Variants in FEZ2 observed in about 807,000 individuals in gnomAD.
The protein encoded by FEZ2 is fasciculation and elongation protein zeta-2.
FEZ2 carries 51 observed loss-of-function variants against 40.4 expected under a neutral mutation model. The observed-to-expected ratio is 1.26, with a 90% CI of 1.01 to 1.59. The LOEUF (loss-of-function observed/expected upper bound fraction) is 1.59, where lower values mean the gene tolerates loss of function less well. FEZ2 is among the 40% of genes most tolerant of loss of function. The pLI, the probability that FEZ2 is intolerant of heterozygous loss-of-function variation, is 0.00. For synonymous variants in FEZ2, 242 were observed against 172.0 expected (o/e 1.41, Z -3.18); for missense variants, 640 against 438.3 (o/e 1.46, Z -4.11).
chr2:36,570,671 G>C (rs1390380117), intron 5 of FEZ2, among the ~76,000 whole-genome samples: 1 of 152,094 alleles, frequency 6.6e-6, no homozygotes, highest in Non-Finnish European at 1.5e-5. Context: ...CCATACTTAG[G>C]CTACATGGTA....
rs2287104 is a variant in FEZ2, at chr2:36,598,027, T to C, written c.116A>G (p.Glu39Gly). ...GAAACCGTCGGCGCCCCCACCCGCCTCGGCCCCCGCCTCCGCCCCAGGCTC... is the reference window on the plus strand; with the variant it reads ...GAAACCGTCGGCGCCCCCACCCGCCCCGGCCCCCGCCTCCGCCCCAGGCTC... The part of the protein sequence containing the change: ...SPEPGAEAGA[E>G]AGGGADGFPA... The change falls in exon 1 of 8, where the codon GAG (glutamate) becomes GGG (glycine). Residue 39 changes from glutamate to glycine, a missense_variant. Glu to Gly is a moderately conservative substitution (Grantham distance 98, BLOSUM62 -2). Transcript: ENST00000405912. The C allele has an allele frequency of 0.76, 1,128,172 of 1,483,478 alleles. 428,894 individuals are homozygous for C. The highest frequency in any genetic ancestry group is 0.98 in the East Asian group (34,818 of 35,354). The allele number at this position is 1,483,478 out of a possible 1,614,324, so 91.9% of individuals were successfully genotyped here.
intron 2 of FEZ2, among the ~76,000 whole-genome samples, chr2:36,585,422 G>C (rs1286980898): frequency 6.6e-6 from 1 of 152,082 alleles, no homozygotes; most frequent in African/African-American, 2.4e-5. Flanking sequence ...GAAAATCCCA[G>C]AATGATGACT....
chr2:36,594,787 T>C (rs78072984), intron 1 of FEZ2, among the ~76,000 whole-genome samples: 3,868 of 152,302 alleles, frequency 0.025, 68 homozygotes, highest in Non-Finnish European at 0.039. Flanking sequence ...TCTGCTGATT[T>C]GCTCCTTCTT....
intron 1 of FEZ2, among the ~76,000 whole-genome samples, chr2:36,597,117 G>C (rs1489070670): frequency 6.6e-6 from 1 of 151,960 alleles, no homozygotes; most frequent in Non-Finnish European, 1.5e-5. Flanking sequence ...CTTCGTTTTC[G>C]TCTCTGTGGC....
chr2:36,597,857 G>A lies in FEZ2; in HGVS notation c.266+20C>T, dbSNP rs566890439. On this transcript the variant is annotated intron_variant, in intron 1 of 7. Coordinates refer to ENST00000405912, the MANE Select transcript of FEZ2 (RefSeq NM_005102.3). Reference sequence around the variant, plus strand: ...GTAGGGGAGGCTCCCGCCCACTCCCGGCCGGGGCCCCGCACTCACTCGTCC... The same window carrying A: ...GTAGGGGAGGCTCCCGCCCACTCCCAGCCGGGGCCCCGCACTCACTCGTCC... 208 of 1,331,724 alleles carry A rather than the reference G, an allele frequency of 1.6e-4. No individual in the cohort carries two copies. The African/African-American group carries it at 3.0e-3, about 19-fold the overall frequency. The allele number at this position is 1,331,724 out of a possible 1,614,324, so 82.5% of individuals were successfully genotyped here. A position where few individuals can be genotyped will look rare whatever the true frequency, so the allele number is the denominator to read the frequency against.
chr2:36,586,248 T>C (rs571782538), intron 2 of FEZ2, among the ~76,000 whole-genome samples: 1 of 152,328 alleles, frequency 6.6e-6, no homozygotes, highest in African/African-American at 2.4e-5. Context: ...TCACACCCCC[T>C]TCCCAATCAC....
chr2:36,587,416 G>A (rs977706571), intron 2 of FEZ2, among the ~76,000 whole-genome samples: 2 of 152,154 alleles, frequency 1.3e-5, no homozygotes, highest in African/African-American at 4.8e-5. Flanking sequence ...TCCAATGCCA[G>A]GGTTAGATAC....
chr2:36,580,464 T>C (rs150967394), intron 4 of FEZ2, among the ~76,000 whole-genome samples: 89 of 152,358 alleles, frequency 5.8e-4, no homozygotes, highest in African/African-American at 2.0e-3. Context: ...TGGCAATGAT[T>C]AGATACACAC....
At chr2:36,575,315 G>C (rs1668537400) in intron 5 of FEZ2, among the ~76,000 whole-genome samples, 1 of 151,910 alleles carries the variant, frequency 6.6e-6, no homozygotes, top group Admixed American at 6.6e-5. Flanking sequence ...CTCCCAAGTA[G>C]TTGGGACTAC....
At chr2:36,569,696 G>T (rs1476363751) in intron 5 of FEZ2, among the ~76,000 whole-genome samples, 1 of 152,128 alleles carries the variant, frequency 6.6e-6, no homozygotes, top group Admixed American at 6.5e-5. Flanking sequence ...CCAAGACAGG[G>T]AAAAGCAAGA....
chr2:36,572,385 T>C (rs546974325), intron 5 of FEZ2, among the ~76,000 whole-genome samples: 7 of 152,358 alleles, frequency 4.6e-5, no homozygotes, highest in South Asian at 4.1e-4. Flanking sequence ...ATACAAACTT[T>C]AGAAACATTA....
chr2:36,578,507 A>C, intron 5 of FEZ2, 90 bp downstream of exon 5: 1 of 1,350,426 alleles, frequency 7.4e-7, no homozygotes, highest in Non-Finnish European at 1.0e-6. Flanking sequence ...GCCCATGTAC[A>C]ACCTGTCGCA....
At chr2:36,558,237 AG>A (rs1668002819) in intron 6 of FEZ2, 200 bp downstream of exon 6, 3 of 368,516 alleles carry the variant, frequency 8.1e-6, no homozygotes, top group African/African-American at 4.2e-5. Context: ...AAACAGAAAA[AG>A]TACAAATCAA....
chr2:36,579,215 A>G (rs55700228), intron 4 of FEZ2: 80,942 of 202,456 alleles, frequency 0.4, 16,876 homozygotes, highest in East Asian at 0.63. Context: ...AAGTCGAGGG[A>G]AAGTACAGAA....
intron 2 of FEZ2, among the ~76,000 whole-genome samples, chr2:36,585,632 C>T (rs1259525295): frequency 1.3e-5 from 2 of 152,094 alleles, no homozygotes; most frequent in Admixed American, 1.3e-4. Context: ...CACAAAAAGG[C>T]AGGTAGTATC....
At chr2:36,562,590 A>G (rs984984195) in intron 5 of FEZ2, among the ~76,000 whole-genome samples, 4 of 152,212 alleles carry the variant, frequency 2.6e-5, no homozygotes, top group Non-Finnish European at 4.4e-5. Context: ...TACTTTGCTG[A>G]CTACTCTTCA....
chr2:36,585,016 A>G (rs1668862255), intron 2 of FEZ2, among the ~76,000 whole-genome samples: 1 of 152,196 alleles, frequency 6.6e-6, no homozygotes, highest in Admixed American at 6.5e-5. Flanking sequence ...CCATCAGCCT[A>G]GCAAAGGCCT....
At chr2:36,558,613 C>T (rs1668014973) in intron 5 of FEZ2, 100 bp from the exon 6 acceptor site, 2 of 566,602 alleles carry the variant, frequency 3.5e-6, no homozygotes, top group African/African-American at 1.9e-5. Context: ...TAATATAAAA[C>T]ACAAGCTACT....
chr2:36,566,137 G>A (rs920417246), intron 5 of FEZ2, among the ~76,000 whole-genome samples: 1 of 152,108 alleles, frequency 6.6e-6, no homozygotes, highest in Non-Finnish European at 1.5e-5. Context: ...TCAGGAGATG[G>A]AGACCATCCT....
Sources: allele counts gnomAD v4.1 joint callset (sites outside exome capture counted in the v4.1 genomes callset), GRCh38; gene constraint gnomAD v4.1.1; transcripts MANE v1.5; gene names NCBI Gene and HGNC (gene_info 2026-07-23, HGNC 2026-07-21).